The following RBM28 variants were observed in gnomAD, a reference collection of about 807,000 sequenced individuals.
The protein encoded by RBM28 is RNA binding motif protein 28, also known as RNA-binding protein 28.
RBM28 carries 78 observed loss-of-function variants against 98.3 expected under a neutral mutation model. That is an observed-to-expected ratio of 0.79 (90% CI 0.66 to 0.96). The LOEUF is 0.96. RBM28 is among the 40% of genes least tolerant of loss of function. RBM28 has a pLI of 0.00. For synonymous variants in RBM28, 306 were observed against 330.9 expected (o/e 0.92, Z 0.82); for missense variants, 838 against 913.0 (o/e 0.92, Z 1.06).
rs548751489 is a variant in RBM28 at position 128,329,796 on chromosome 7, G to A, written c.1129+1023C>T. Among the ~76,000 whole-genome samples, 5 of 150,362 alleles carry A rather than the reference G, an allele frequency of 3.3e-5. No homozygotes were observed. The South Asian group carries it at 8.4e-4, about 25-fold the overall frequency. ...CCCAGCTACTCAGGAGGCTGAGGCA[G>A]GAGAATGGCGTGAACCCAGGAGGCG... On this transcript the variant is annotated intron_variant, in intron 10 of 18. Transcript: ENST00000223073.
At chr7:128,320,849 A>G (rs1796215385) in intron 14 of RBM28, among the ~76,000 whole-genome samples, 1 of 152,258 alleles carries the variant, frequency 6.6e-6, no homozygotes, top group Admixed American at 6.5e-5. Flanking sequence ...TCAGCTATGC[A>G]TGCTGACAAC....
In RBM28 at chr7:128,324,612, G is replaced by A. The variant is rs188134024; in HGVS notation, c.1286C>T (p.Thr429Met). 6.2e-6 allele frequency: 10 copies of A among 1,614,124 alleles called. No homozygotes were observed. The highest frequency in any genetic ancestry group is 1.6e-4 in the Middle Eastern group (1 of 6,062). The change falls in exon 12 of 19, where the codon ACG becomes ATG. Residue 429 changes from threonine (T) to methionine (M), a missense_variant. By Grantham distance (81) the Thr-to-Met change is moderately conservative. Coordinates refer to ENST00000223073, the MANE Select transcript of RBM28 (RefSeq NM_018077.3). ...GGTGCCAGTCGGCTTCTTCACCTTC[G>A]TCGTCTGAAGCTTTGCAGCCTCATC... Reference protein sequence around the residue: ...TRDEAAKLQTTKVKKPTGTRN... With the variant: ...TRDEAAKLQTMKVKKPTGTRN...
In RBM28 at chr7:128,301,307, T is replaced by C. The variant is rs1289384977; in HGVS notation, c.*9490A>G. On this transcript the variant is annotated 3_prime_UTR_variant, in exon 19 of 19. Coordinates refer to ENST00000223073, the MANE Select transcript of RBM28 (RefSeq NM_018077.3). ...AAAGAGGACTGGAGGGTCTGAGTGA[T>C]TTGTCCAGGGTCATCCTCTGTCCTT... The C allele has an allele frequency of 6.6e-6, 1 of 152,296 alleles. No individual in the cohort carries two copies. The highest frequency in any genetic ancestry group is 1.5e-5 in the Non-Finnish European group (1 of 68,094). The allele number at this position is 152,296 out of a possible 1,614,324, so 9.4% of individuals were successfully genotyped here. A position where few individuals can be genotyped will look rare whatever the true frequency, so the allele number is the denominator to read the frequency against.
At position 128,317,713 on chromosome 7, in the gene RBM28, A is replaced by G. The variant is rs759709888; in HGVS notation, c.1734T>C (p.Ser578=). The G allele has an allele frequency of 2.6e-5, 42 of 1,606,940 alleles. No homozygotes were observed. Among genetic ancestry groups the G allele is most frequent in the Non-Finnish European group, 3.0e-5 (35 of 1,173,526 alleles). ...GPLKRPIVEF[S]LEDRRKLKMK... Reference sequence around the variant, plus strand: ...TTTTAAGTTTTCTTCGATCTTCTAAAGAGAACTCCACTATTGGTCTCTGTC... The same window carrying G: ...TTTTAAGTTTTCTTCGATCTTCTAAGGAGAACTCCACTATTGGTCTCTGTC... Residue 578 remains serine (S), a synonymous_variant, in exon 16 of 19, where the codon TCT becomes TCC. Transcript: ENST00000223073.
chr7:128,338,590 A>C, intron 4 of RBM28, 136 bp downstream of exon 4: 3 of 778,788 alleles, frequency 3.9e-6, no homozygotes, highest in South Asian at 3.0e-5. Flanking sequence ...AAATATCATC[A>C]GGGGAATAAA....
Position 128,343,896 on chromosome 7 carries a change from A to T in RBM28, c.-103T>A, listed in dbSNP as rs890975465. The T allele has an allele frequency of 4.2e-6, 3 of 713,950 alleles. No homozygotes were observed. Among genetic ancestry groups the T allele is most frequent in the Non-Finnish European group, 6.7e-6 (3 of 447,344 alleles). The allele number at this position is 713,950 out of a possible 1,614,324, so 44.2% of individuals were successfully genotyped here. On this transcript the variant is annotated 5_prime_UTR_variant, in exon 1 of 19. Coordinates refer to ENST00000223073, the MANE Select transcript of RBM28 (RefSeq NM_018077.3). ...AGGACAACCAAGCTCACACGCCGAG[A>T]GATTCCGGAAGTGCTCGTTGCCCAA...
intron 11 of RBM28, among the ~76,000 whole-genome samples, chr7:128,325,514 T>C (rs1285563399): frequency 2.0e-5 from 3 of 152,182 alleles, no homozygotes; most frequent in Admixed American, 6.5e-5. Flanking sequence ...CATCCTAGTC[T>C]TTCATGTTAT....
chr7:128,339,176 T>G (rs537268823), intron 3 of RBM28, 51 bp downstream of exon 3: 1 of 1,434,824 alleles, frequency 7.0e-7, no homozygotes, highest in African/African-American at 1.4e-5. Context: ...GATCACATCT[T>G]GGCTCTAAAA....
chr7:128,335,561 C>G lies in RBM28; in HGVS notation c.928G>C (p.Glu310Gln). 6.2e-7 allele frequency: 1 copy of G among 1,614,196 alleles called. No individual in the cohort carries two copies. Among genetic ancestry groups the G allele is most frequent in the Non-Finnish European group, 8.5e-7 (1 of 1,180,034 alleles). ...AACAAACCTTTATCCTCTTGCTCCT[C>G]AGTGCTGGTATCACTCTGAGCCAGT... ...EELAQSDTST[E>Q]EQEDKAVQVS... The change falls in exon 8 of 19, where the codon GAG (glutamate) becomes CAG (glutamine). Residue 310 changes from glutamate (E) to glutamine (Q), a missense_variant. Glu to Gln is a conservative substitution (Grantham distance 29). Coordinates refer to ENST00000223073, the MANE Select transcript of RBM28 (RefSeq NM_018077.3).
intron 8 of RBM28, among the ~76,000 whole-genome samples, chr7:128,334,195 C>G (rs1183032480): frequency 6.6e-6 from 1 of 152,158 alleles, no homozygotes; most frequent in Non-Finnish European, 1.5e-5. Context: ...GACATATAAG[C>G]TTATACATAC....
intron 1 of RBM28, among the ~76,000 whole-genome samples, chr7:128,342,818 A>G (rs988594787): frequency 1.3e-5 from 2 of 151,940 alleles, no homozygotes; most frequent in African/African-American, 4.8e-5. Flanking sequence ...CTGTTTCAGT[A>G]CCTTTGAGCT....
intron 1 of RBM28, among the ~76,000 whole-genome samples, chr7:128,343,368 T>C (rs1796770110): frequency 6.6e-6 from 1 of 152,320 alleles, no homozygotes; most frequent in South Asian, 2.1e-4. Flanking sequence ...AGATAACCTG[T>C]ATCAAACTGA....
intron 6 of RBM28, among the ~76,000 whole-genome samples, chr7:128,336,289 C>T (rs1796599239): frequency 6.6e-6 from 1 of 152,102 alleles, no homozygotes; most frequent in African/African-American, 2.4e-5. Flanking sequence ...TTCATCTGGC[C>T]CAGACTGAAA....
intron 10 of RBM28, among the ~76,000 whole-genome samples, chr7:128,327,850 A>T (rs930431169): frequency 6.6e-6 from 1 of 152,208 alleles, no homozygotes; most frequent in Non-Finnish European, 1.5e-5. Context: ...CTTTCAGTAG[A>T]TTCCAAAAAA....
intron 10 of RBM28, among the ~76,000 whole-genome samples, chr7:128,329,402 T>A (rs73230654): frequency 0.045 from 6,784 of 152,172 alleles, 223 homozygotes; most frequent in Non-Finnish European, 0.071. Flanking sequence ...CCCGGCCAGG[T>A]CTTACTTTTT....
Position 128,325,855 on chromosome 7 carries a change from G to T in RBM28, c.1166C>A (p.Ala389Asp). The change falls in exon 11 of 19, where the codon GCT becomes GAT. Residue 389 changes from alanine to aspartate, a missense_variant. By Grantham distance (126) the Ala-to-Asp change is moderately radical. Coordinates refer to ENST00000223073, the MANE Select transcript of RBM28 (RefSeq NM_018077.3). ...AGAAGCAGCTAGAAGGCATTTCTGA[G>T]CTGCTTCTTGAGTCATGAACTGGGC... is the stretch of plus-strand genomic sequence containing the variant. ...AFAQFMTQEAAQKCLLAASPE... is the reference protein window; with the variant it reads ...AFAQFMTQEADQKCLLAASPE... 6.2e-7 allele frequency: 1 copy of T among 1,613,766 alleles called. No individual in the cohort carries two copies. The highest frequency in any genetic ancestry group is 1.1e-5 in the South Asian group (1 of 91,078).
intron 18 of RBM28, among the ~76,000 whole-genome samples, chr7:128,311,548 C>T: frequency 6.6e-6 from 1 of 152,080 alleles, no homozygotes; most frequent in East Asian, 1.9e-4. Flanking sequence ...CTGGGACATC[C>T]TGCACTAGAA....
chr7:128,325,722 G>C (rs752375556), intron 11 of RBM28, 96 bp downstream of exon 11: 11 of 880,644 alleles, frequency 1.2e-5, no homozygotes, highest in Non-Finnish European at 2.0e-5. Flanking sequence ...TTACTGACAA[G>C]AAAAATAATA....
chr7:128,327,695 T>G (rs1796384231), intron 10 of RBM28, among the ~76,000 whole-genome samples: 1 of 152,012 alleles, frequency 6.6e-6, no homozygotes, highest in African/African-American at 2.4e-5. Flanking sequence ...AGACAGGGTT[T>G]CTCCATGTTG....
Sources: allele counts gnomAD v4.1 joint callset (sites outside exome capture counted in the v4.1 genomes callset), GRCh38; gene constraint gnomAD v4.1.1; transcripts MANE v1.5; gene names NCBI Gene and HGNC (gene_info 2026-07-23, HGNC 2026-07-21).